Variants in TLK2 observed in about 807,000 individuals in gnomAD.
The protein encoded by TLK2 is serine/threonine-protein kinase tousled-like 2.
In TLK2, 6 loss-of-function variants were observed where a neutral mutation model predicts 117.3. That is an observed-to-expected ratio of 0.05 (90% CI 0.03 to 0.10). The LOEUF (loss-of-function observed/expected upper bound fraction) is 0.10. Ranked by LOEUF, TLK2 falls within the 10% of genes least tolerant of loss-of-function variation. The pLI, the probability that TLK2 is intolerant of heterozygous loss-of-function variation, is 1.00. For missense variants in TLK2, 299 were observed against 901.2 expected (o/e 0.33, Z 8.56); for synonymous variants, 257 against 316.7 (o/e 0.81, Z 2.00).
At chr17:62,478,598 C>T (rs1000660371), upstream of TLK2, among the ~76,000 whole-genome samples, 24 of 150,738 alleles carry the variant, frequency 1.6e-4, no homozygotes, top group East Asian at 4.0e-4. Flanking sequence ...GGCGCGGCTT[C>T]CTCCGCCGGC....
intron 7 of TLK2, among the ~76,000 whole-genome samples, chr17:62,541,331 C>G (rs1428194524): frequency 6.6e-6 from 1 of 152,166 alleles, no homozygotes; most frequent in African/African-American, 2.4e-5. Context: ...ATCTCTAATG[C>G]CCAGAACGGG....
At chr17:62,525,077 C>A (rs1489720470) in intron 6 of TLK2, among the ~76,000 whole-genome samples, 2 of 152,188 alleles carry the variant, frequency 1.3e-5, no homozygotes, top group African/African-American at 4.8e-5. Context: ...AGTGTCTTCG[C>A]ATTATTTGTT....
intron 2 of TLK2, among the ~76,000 whole-genome samples, chr17:62,507,179 C>T (rs567860882): frequency 1.3e-5 from 2 of 151,814 alleles, no homozygotes; most frequent in South Asian, 4.2e-4. Flanking sequence ...GAGGCTGAGG[C>T]AGGAGAATCG....
At position 62,600,771 on chromosome 17, in the gene TLK2, G is replaced by A. The variant is rs1479014772; in HGVS notation, c.1671G>A (p.Lys557=). ...TCATGCAGATTGTGAATGCTTTAAA[G>A]TACTTAAATGAAATAAAACCTCCCA... is the stretch of plus-strand genomic sequence containing the variant. ...SIIMQIVNAL[K]YLNEIKPPII... is the part of the protein sequence containing the mutation. The change falls in exon 18 of 22, where the codon AAG becomes AAA. Residue 557 remains lysine (K), a synonymous_variant. Coordinates refer to ENST00000346027, the MANE Select transcript of TLK2 (RefSeq NM_006852.6). The A allele has an allele frequency of 6.2e-7, 1 of 1,613,192 alleles. No homozygotes were observed. The highest frequency in any genetic ancestry group is 1.1e-5 in the South Asian group (1 of 90,808).
At chr17:62,486,614 A>G (rs2072423435) in intron 2 of TLK2, among the ~76,000 whole-genome samples, 1 of 152,206 alleles carries the variant, frequency 6.6e-6, no homozygotes, top group Non-Finnish European at 1.5e-5. Context: ...TTAAGTACAG[A>G]TAGTCTCAGC....
intron 7 of TLK2, among the ~76,000 whole-genome samples, chr17:62,537,378 G>A (rs546621931): frequency 1.3e-5 from 2 of 152,294 alleles, no homozygotes; most frequent in East Asian, 1.9e-4. Context: ...CTTGAATAAC[G>A]TCATTTCATT....
chr17:62,523,350 G>A (rs1023551230), intron 5 of TLK2, among the ~76,000 whole-genome samples, 173 bp downstream of exon 5: 1 of 152,120 alleles, frequency 6.6e-6, no homozygotes, highest in Non-Finnish European at 1.5e-5. Flanking sequence ...AGGCCAAGAT[G>A]GGAGGATCGC....
At chr17:62,560,846 C>CT (rs1421901699) in intron 10 of TLK2, among the ~76,000 whole-genome samples, 4 of 151,558 alleles carry the variant, frequency 2.6e-5, no homozygotes, top group African/African-American at 4.9e-5. Context: ...TTTAATTATA[C>CT]TTTAAGTTTT....
intron 2 of TLK2, among the ~76,000 whole-genome samples, chr17:62,502,971 C>T (rs370709680): frequency 1.4e-4 from 21 of 151,708 alleles, no homozygotes; most frequent in Non-Finnish European, 2.5e-4. Flanking sequence ...AACATTGACC[C>T]GTGCCCTCAT....
chr17:62,484,477 T>C (rs1368908599), intron 2 of TLK2, among the ~76,000 whole-genome samples: 1 of 151,576 alleles, frequency 6.6e-6, no homozygotes, highest in Non-Finnish European at 1.5e-5. Context: ...TTTGTATTTT[T>C]AGTAGAGATG....
At chr17:62,552,662 CTTTT>C (rs77695614) in intron 8 of TLK2, among the ~76,000 whole-genome samples, 3 of 139,234 alleles carry the variant, frequency 2.2e-5, no homozygotes, top group Non-Finnish European at 4.7e-5. Flanking sequence ...AACTGCACAC[CTTTT>C]TTTTTTTTTT....
chr17:62,598,814 C>T (rs1028191692), intron 17 of TLK2, among the ~76,000 whole-genome samples: 18 of 151,882 alleles, frequency 1.2e-4, no homozygotes, highest in Non-Finnish European at 2.6e-4. Flanking sequence ...TGAGCCACCG[C>T]GCCTGGCTGA....
intron 16 of TLK2, among the ~76,000 whole-genome samples, chr17:62,589,545 G>A (rs551708862): frequency 9.2e-5 from 14 of 152,280 alleles, no homozygotes; most frequent in Admixed American, 5.9e-4. Context: ...TGCGGTTTTA[G>A]AGCTGGGCAC....
intron 2 of TLK2, among the ~76,000 whole-genome samples, chr17:62,484,546 C>T (rs192111717): frequency 2.3e-3 from 356 of 151,956 alleles, no homozygotes; most frequent in African/African-American, 7.8e-3. Context: ...GATCCACCCG[C>T]CTCAGCCTCC....
chr17:62,533,275 T>A (rs1286451428), intron 6 of TLK2, among the ~76,000 whole-genome samples: 3 of 151,942 alleles, frequency 2.0e-5, no homozygotes, highest in Non-Finnish European at 4.4e-5. Context: ...TGCAAAAAAA[T>A]TGAAGTAGTT....
intron 2 of TLK2, among the ~76,000 whole-genome samples, chr17:62,504,772 G>A (rs1163681758): frequency 1.3e-5 from 2 of 152,262 alleles, no homozygotes; most frequent in African/African-American, 4.8e-5. Flanking sequence ...TGGCACCACT[G>A]CACTGAGCCT....
intron 6 of TLK2, among the ~76,000 whole-genome samples, chr17:62,534,969 A>G (rs920299707): frequency 7.0e-6 from 1 of 143,712 alleles, no homozygotes; most frequent in Non-Finnish European, 1.5e-5. Flanking sequence ...GCTCACTGCA[A>G]CTTCCGCCTC....
intron 2 of TLK2, among the ~76,000 whole-genome samples, chr17:62,489,204 T>C (rs1158558884): frequency 7.1e-6 from 1 of 140,478 alleles, no homozygotes; most frequent in Non-Finnish European, 1.5e-5. Flanking sequence ...TGTGTGTAAA[T>C]TTTTTTTTTT....
intron 2 of TLK2, among the ~76,000 whole-genome samples, chr17:62,501,027 A>G (rs1449323152): frequency 1.3e-5 from 2 of 151,988 alleles, no homozygotes; most frequent in Non-Finnish European, 1.5e-5. Flanking sequence ...TCACGAGGTC[A>G]GGAGATCGAG....
Sources: gnomAD v4.1 joint callset for allele counts (sites outside exome capture counted in the v4.1 genomes callset) on GRCh38, gnomAD v4.1.1 for gene constraint, MANE v1.5 for transcripts, NCBI Gene and HGNC (gene_info 2026-07-23, HGNC 2026-07-21) for gene names.